The following ANKRD30B variants were observed in gnomAD, a reference collection of about 807,000 sequenced individuals.
The protein encoded by ANKRD30B is ankyrin repeat domain 30B, also known as ankyrin repeat domain-containing protein 30B.
A neutral mutation model predicts 202.2 loss-of-function variants in ANKRD30B; 144 were observed. That is an observed-to-expected ratio of 0.71 (90% CI 0.62 to 0.82). The LOEUF (loss-of-function observed/expected upper bound fraction) is 0.82, where lower values mean the gene tolerates loss of function less well. ANKRD30B is among the 40% of genes least tolerant of loss of function. ANKRD30B has a pLI of 0.00. For synonymous variants in ANKRD30B, 508 were observed against 561.3 expected (o/e 0.91, Z 1.34); for missense variants, 1,487 against 1,669.1 (o/e 0.89, Z 1.90).
Position 14,796,227 on chromosome 18 carries a change from C to T in ANKRD30B, c.1832C>T (p.Pro611Leu). Residue 611 changes from proline to leucine, a missense_variant, in exon 17 of 44, where the codon CCT becomes CTT. By Grantham distance (98) the Pro-to-Leu change is moderately conservative. Coordinates refer to ENST00000690538, the MANE Select transcript of ANKRD30B (RefSeq NM_001367607.2). ...DTLSGKLEES[P>L]VKDGLLKPTC... ...TATGTCCCTTTACGTTTAGAGTCTC[C>T]TGTTAAAGATGGTCTTCTGAAGGTA... The T allele has an allele frequency of 1.9e-6, 3 of 1,599,814 alleles. No individual in the cohort carries two copies. Among genetic ancestry groups the T allele is most frequent in the Non-Finnish European group, 1.7e-6 (2 of 1,167,554 alleles).
chr18:14,881,861 A>T, the ANKRD30B span, among the ~76,000 whole-genome samples: 2 of 149,838 alleles, frequency 1.3e-5, no homozygotes, highest in Non-Finnish European at 1.5e-5. Flanking sequence ...AGTTTATCCA[A>T]CTCTTCTAGG....
At chr18:14,794,047 A>T (rs920655556) in intron 16 of ANKRD30B, among the ~76,000 whole-genome samples, 7 of 152,308 alleles carry the variant, frequency 4.6e-5, no homozygotes, top group African/African-American at 1.7e-4. Context: ...AGAAATTAAA[A>T]GTGAAGTAAT....
At chr18:14,794,417 C>T (rs1053510493) in intron 16 of ANKRD30B, among the ~76,000 whole-genome samples, 1 of 151,340 alleles carries the variant, frequency 6.6e-6, no homozygotes, top group Non-Finnish European at 1.5e-5. Flanking sequence ...CAGCTATTTT[C>T]TTCATAAAGG....
the ANKRD30B span, among the ~76,000 whole-genome samples, chr18:14,899,501 A>G: frequency 6.6e-6 from 1 of 152,178 alleles, no homozygotes; most frequent in Non-Finnish European, 1.5e-5. Context: ...TGTTGAAATA[A>G]GAGAAATAGT....
chr18:14,912,150 C>G, the ANKRD30B span, among the ~76,000 whole-genome samples: 1 of 152,076 alleles, frequency 6.6e-6, no homozygotes, highest in African/African-American at 2.4e-5. Flanking sequence ...ACATTCAGTA[C>G]TATGTTGAGT....
the ANKRD30B span, among the ~76,000 whole-genome samples, chr18:14,907,625 C>T: frequency 2.1e-3 from 324 of 152,282 alleles, 3 homozygotes; most frequent in African/African-American, 7.6e-3. Context: ...TAGCACAGCC[C>T]TTATGTGGGT....
the ANKRD30B span, among the ~76,000 whole-genome samples, chr18:14,933,825 G>C: frequency 6.6e-6 from 1 of 152,200 alleles, no homozygotes; most frequent in African/African-American, 2.4e-5. Context: ...GTCAAGTGCA[G>C]ATGGTGAAAC....
At chr18:14,892,742 C>CA in the ANKRD30B span, among the ~76,000 whole-genome samples, 173 of 72,924 alleles carry the variant, frequency 2.4e-3, 7 homozygotes, top group African/African-American at 9.3e-3. Context: ...TCTGTTTCAC[C>CA]AAAAAAAAAA....
At position 14,754,936 on chromosome 18, in the gene ANKRD30B, G is replaced by C; in HGVS notation, c.548G>C (p.Arg183Thr). 1 of 1,559,462 alleles carries C rather than the reference G, an allele frequency of 6.4e-7. No homozygotes were observed. Among genetic ancestry groups the C allele is most frequent in the Non-Finnish European group, 8.7e-7 (1 of 1,151,530 alleles). The change falls in exon 4 of 44, where the codon AGA (arginine) becomes ACA (threonine). Residue 183 changes from arginine (R) to threonine (T), a missense_variant. By Grantham distance (71) the Arg-to-Thr change is moderately conservative. This residue lies in a region of ANKRD30B where 889 missense variants were observed against 841.4 expected (regional missense o/e 1.06). Transcript: ENST00000690538. ...CCCCTTTTACTGGCCATACAGAAAAGAAGCAAGCAAACTGTGGAATTTTTA... is the reference window on the plus strand; with the variant it reads ...CCCCTTTTACTGGCCATACAGAAAACAAGCAAGCAAACTGTGGAATTTTTA... The part of the protein sequence containing the change: ...LTPLLLAIQK[R>T]SKQTVEFLLT...
downstream of ANKRD30B, among the ~76,000 whole-genome samples, chr18:14,854,830 C>T (rs576083135): frequency 3.7e-5 from 4 of 109,078 alleles, no homozygotes; most frequent in African/African-American, 7.5e-5. Context: ...AAACTATCCA[C>T]GAACACACAC....
chr18:14,849,594 T>C (rs1392224687), intron 40 of ANKRD30B, among the ~76,000 whole-genome samples: 9 of 151,734 alleles, frequency 5.9e-5, no homozygotes, highest in Non-Finnish European at 1.3e-4. Context: ...TTTAATTAAA[T>C]ATTTATACTT....
chr18:14,935,535 G>T, the ANKRD30B span, among the ~76,000 whole-genome samples: 2 of 152,214 alleles, frequency 1.3e-5, no homozygotes, highest in Admixed American at 1.3e-4. Flanking sequence ...AGGGGCAGAG[G>T]CTCTGCTGTG....
At chr18:14,849,221 A>G (rs939752437) in intron 40 of ANKRD30B, among the ~76,000 whole-genome samples, 16 of 151,934 alleles carry the variant, frequency 1.1e-4, no homozygotes, top group Non-Finnish European at 2.2e-4. Flanking sequence ...TGTATTATAA[A>G]TGCTACAAGA....
At chr18:14,894,516 T>C in the ANKRD30B span, among the ~76,000 whole-genome samples, 5 of 152,078 alleles carry the variant, frequency 3.3e-5, no homozygotes, top group Non-Finnish European at 7.4e-5. Context: ...TTAATATGGC[T>C]GTGCTAGCAT....
At chr18:14,791,254 G>C (rs1345861753) in intron 15 of ANKRD30B, 147 bp from the exon 16 acceptor site, 2 of 606,454 alleles carry the variant, frequency 3.3e-6, no homozygotes, top group Non-Finnish European at 5.7e-6. Context: ...AAAATGTTTT[G>C]ATTTTCTATA....
At chr18:14,866,727 G>A in the ANKRD30B span, among the ~76,000 whole-genome samples, 6 of 152,132 alleles carry the variant, frequency 3.9e-5, no homozygotes, top group South Asian at 2.1e-4. Flanking sequence ...ACTGCCTGCC[G>A]CAGGGGGCTA....
At chr18:14,888,920 A>G in the ANKRD30B span, 1 of 1,068,528 alleles carries the variant, frequency 9.4e-7, no homozygotes. Flanking sequence ...ACAAACAAAC[A>G]AACAAACATG....
the ANKRD30B span, among the ~76,000 whole-genome samples, chr18:14,924,876 G>A: frequency 6.6e-6 from 1 of 152,194 alleles, no homozygotes; most frequent in South Asian, 2.1e-4. Flanking sequence ...CACAGATGGG[G>A]CTGGACTGCT....
At chr18:14,913,874 G>C in the ANKRD30B span, among the ~76,000 whole-genome samples, 1 of 152,180 alleles carries the variant, frequency 6.6e-6, no homozygotes, top group Non-Finnish European at 1.5e-5. Flanking sequence ...TTTACTATGA[G>C]TTGGATGCTG....
Sources: allele counts gnomAD v4.1 joint callset (sites outside exome capture counted in the v4.1 genomes callset), GRCh38; gene constraint gnomAD v4.1.1; regional missense constraint gnomAD v4.1.1; transcripts MANE v1.5; gene names NCBI Gene and HGNC (gene_info 2026-07-23, HGNC 2026-07-21).